DNAH14: variants seen among roughly 807,000 people sequenced by gnomAD.
DNAH14 encodes the protein dynein axonemal heavy chain 14.
DNAH14 carries 478 observed loss-of-function variants against 520.9 expected under a neutral mutation model. The ratio of observed to expected loss-of-function variants is 0.92; its 90% CI spans 0.85 to 0.99. The LOEUF (loss-of-function observed/expected upper bound fraction) is 0.99. Among genes scored for constraint, DNAH14 ranks in the 50% least tolerant of loss-of-function variants. DNAH14 has a pLI of 0.00. For synonymous variants in DNAH14, 1,581 were observed against 1,757.2 expected, an observed-to-expected ratio of 0.90 and a Z score of 2.51; for missense variants, 4,831 against 5,234.5, an observed-to-expected ratio of 0.92 and a Z score of 2.38.
At chr1:225,386,554 A>G (rs1363752394) in intron 81 of DNAH14, among the ~76,000 whole-genome samples, 1 of 152,262 alleles carries the variant, frequency 6.6e-6, no homozygotes, top group Non-Finnish European at 1.5e-5. Context: ...AAATAACCCT[A>G]TTAAAAAGTG....
At chr1:225,392,712 T>G (rs964503990) in intron 84 of DNAH14, among the ~76,000 whole-genome samples, 2 of 152,242 alleles carry the variant, frequency 1.3e-5, no homozygotes, top group African/African-American at 4.8e-5. Context: ...AAGTATCCCC[T>G]ATTATAAATG....
intron 36 of DNAH14, among the ~76,000 whole-genome samples, chr1:225,173,159 G>A (rs914058400): frequency 6.6e-6 from 1 of 152,254 alleles, no homozygotes. Context: ...AAAAACCCTA[G>A]AAGAAAACCT....
At chr1:225,065,186 G>A (rs2070710890) in intron 17 of DNAH14, among the ~76,000 whole-genome samples, 1 of 151,726 alleles carries the variant, frequency 6.6e-6, no homozygotes, top group African/African-American at 2.4e-5. Flanking sequence ...GTATTGCCTA[G>A]GACATCTTCC....
At chr1:224,932,703 A>G (rs1310953030) in intron 1 of DNAH14, among the ~76,000 whole-genome samples, 1 of 152,022 alleles carries the variant, frequency 6.6e-6, no homozygotes, top group Non-Finnish European at 1.5e-5. Context: ...TCTCCAATGT[A>G]GGTTCTTGTC....
intron 83 of DNAH14, among the ~76,000 whole-genome samples, chr1:225,390,600 A>C (rs2095896868): frequency 6.6e-6 from 1 of 152,158 alleles, no homozygotes; most frequent in African/African-American, 2.4e-5. Context: ...GGGGACCTTC[A>C]CTAAGAACCA....
intron 34 of DNAH14, among the ~76,000 whole-genome samples, chr1:225,154,283 C>A (rs1028325934): frequency 5.9e-5 from 9 of 151,912 alleles, no homozygotes; most frequent in Non-Finnish European, 1.2e-4. Context: ...TTTAAATACT[C>A]TAAACATTAA....
At chr1:225,378,918 G>A (rs11578124) in intron 79 of DNAH14, among the ~76,000 whole-genome samples, 2 of 150,362 alleles carry the variant, frequency 1.3e-5, no homozygotes, top group African/African-American at 2.5e-5. Flanking sequence ...AATCAGTCCC[G>A]GCTAGTAAAT....
Position 225,271,932 on chromosome 1 carries a change from C to T in DNAH14, c.7698C>T (p.Ile2566=). The change falls in exon 51 of 86, where the codon ATC becomes ATT. Residue 2566 remains isoleucine, a synonymous_variant. Coordinates refer to ENST00000682510, the MANE Select transcript of DNAH14 (RefSeq NM_001367479.1). ...CTCATTTGGGAATTTATTTCTCCATCAATAACTTCACACCTGAAGTTCAGA... is the reference window on the plus strand; with the variant it reads ...CTCATTTGGGAATTTATTTCTCCATTAATAACTTCACACCTGAAGTTCAGA... ...FQAHLGIYFS[I]NNFTPEVQKS... is the part of the protein sequence containing the mutation. 1.9e-6 allele frequency: 3 copies of T among 1,544,364 alleles called. No individual in the cohort carries two copies. The East Asian group carries it at 7.4e-5, about 38-fold the overall frequency.
At chr1:225,182,133 A>G (rs12064555) in intron 36 of DNAH14, among the ~76,000 whole-genome samples, 23,460 of 152,182 alleles carry the variant, frequency 0.15, 2,127 homozygotes, top group East Asian at 0.36. Context: ...TGGAAGCAGA[A>G]GTTGCGGTGA....
chr1:225,307,435 C>A (rs1382033946), intron 58 of DNAH14, 26 bp from the exon 59 acceptor site: 3 of 1,443,530 alleles, frequency 2.1e-6, no homozygotes, highest in Non-Finnish European at 2.8e-6. Flanking sequence ...TATCTTACAC[C>A]TTCTTAATAC....
chr1:225,305,119 A>G, intron 58 of DNAH14, 30 bp downstream of exon 58: 1 of 1,505,556 alleles, frequency 6.6e-7, no homozygotes, highest in African/African-American at 1.4e-5. Flanking sequence ...TCATAAATAT[A>G]TTTTATATTG....
chr1:225,393,792 G>A (rs796090559), intron 84 of DNAH14, among the ~76,000 whole-genome samples: 13 of 151,780 alleles, frequency 8.6e-5, no homozygotes, highest in Admixed American at 3.3e-4. Flanking sequence ...TCTAGTGGAC[G>A]TGCAGTGATA....
chr1:225,038,568 G>T (rs1348540152), intron 11 of DNAH14, 126 bp from the exon 12 acceptor site: 2 of 837,962 alleles, frequency 2.4e-6, no homozygotes, highest in African/African-American at 3.6e-5. Flanking sequence ...TTGCAGAAAG[G>T]TCTAGTCAGG....
chr1:224,977,750 A>C (rs1437908335), intron 8 of DNAH14, among the ~76,000 whole-genome samples: 1 of 152,266 alleles, frequency 6.6e-6, no homozygotes, highest in East Asian at 1.9e-4. Context: ...GCAGAATGGG[A>C]GAAAATATTT....
At position 225,265,170 on chromosome 1, in the gene DNAH14, T is replaced by TTG; in HGVS notation, c.7223-11_7223-10dup. The TTG allele has an allele frequency of 7.0e-7, 1 of 1,437,962 alleles. No individual in the cohort carries two copies. The highest frequency in any genetic ancestry group is 1.5e-5 in the African/African-American group (1 of 66,836). The allele number at this position is 1,437,962 out of a possible 1,614,324, so 89.1% of individuals were successfully genotyped here. A position where few individuals can be genotyped will look rare whatever the true frequency, so the allele number is the denominator to read the frequency against. On this transcript the variant is annotated splice_polypyrimidine_tract_variant and intron_variant, in intron 47 of 85. Coordinates refer to ENST00000682510, the MANE Select transcript of DNAH14 (RefSeq NM_001367479.1). The stretch of plus-strand genomic sequence containing the variant: ...CTAAATTTGTTTTTTCTTTCTATGT[T>TTG]TGGCATCACAGATAATCCCACTAAA...
intron 60 of DNAH14, 71 bp downstream of exon 60, chr1:225,308,481 A>G (rs2094295015): frequency 1.4e-6 from 2 of 1,430,334 alleles, no homozygotes; most frequent in Admixed American, 5.9e-5. Context: ...TTCAAATTTA[A>G]AAGTCAGACT....
chr1:224,955,241 A>T, intron 3 of DNAH14, 143 bp downstream of exon 3: 1 of 878,112 alleles, frequency 1.1e-6, no homozygotes. Context: ...TTCATTAGTT[A>T]TAGCAGTTAG....
At chr1:225,303,571 T>G (rs2094180195) in intron 57 of DNAH14, among the ~76,000 whole-genome samples, 1 of 152,224 alleles carries the variant, frequency 6.6e-6, no homozygotes. Flanking sequence ...CTGCAATGCC[T>G]GTGTCTCTTC....
intron 1 of DNAH14, among the ~76,000 whole-genome samples, chr1:224,939,534 A>C (rs2059267922): frequency 6.6e-6 from 1 of 152,076 alleles, no homozygotes. Context: ...AACACGAAAA[A>C]TTAGCTGGGT....
Sources: gnomAD v4.1 joint callset for allele counts (sites outside exome capture counted in the v4.1 genomes callset) on GRCh38, gnomAD v4.1.1 for gene constraint, MANE v1.5 for transcripts, NCBI Gene and HGNC (gene_info 2026-07-23, HGNC 2026-07-21) for gene names.